Variants in OVOL2 observed in about 807,000 individuals in gnomAD.
OVOL2 encodes ovo like zinc finger 2.
OVOL2 carries 13 observed loss-of-function variants against 18.1 expected under a neutral mutation model. The ratio of observed to expected loss-of-function variants is 0.72; its 90% CI spans 0.47 to 1.14. OVOL2 has a LOEUF of 1.14. Ranked by LOEUF, OVOL2 falls within the 50% of genes most tolerant of loss-of-function variation. OVOL2 has a pLI of 0.00. For missense variants in OVOL2, 335 were observed against 383.0 expected, an observed-to-expected ratio of 0.87 and a Z score of 1.05; for synonymous variants, 166 against 162.7, an observed-to-expected ratio of 1.02 and a Z score of -0.16.
At chr20:18,041,987 C>T (rs940829263) in intron 2 of OVOL2, among the ~76,000 whole-genome samples, 5 of 150,652 alleles carry the variant, frequency 3.3e-5, no homozygotes, top group African/African-American at 4.9e-5. Flanking sequence ...CTCAGCTCAC[C>T]GTAACCTCCA....
intron 3 of OVOL2, among the ~76,000 whole-genome samples, chr20:18,035,379 C>G (rs569734825): frequency 6.6e-6 from 1 of 152,294 alleles, no homozygotes; most frequent in South Asian, 2.1e-4. Flanking sequence ...ATCGCTGGAA[C>G]CCAGGAGGCA....
In OVOL2 at chr20:18,051,209, C is replaced by A. The variant is rs115239223; in HGVS notation, c.321+5448G>T. The stretch of plus-strand genomic sequence containing the variant: ...TGGGCAACATAGTGAGGCCCTGTCT[C>A]AAAAGGAAAAATAAATAAAGAGAAA... On this transcript the variant is annotated intron_variant, in intron 2 of 3. Coordinates refer to ENST00000278780, the MANE Select transcript of OVOL2 (RefSeq NM_021220.4). Among the ~76,000 whole-genome samples the A allele has an allele frequency of 4.0e-3, 599 of 151,612 alleles. 8 individuals carry two copies. The highest frequency in any genetic ancestry group is 0.014 in the African/African-American group (559 of 41,306).
intron 3 of OVOL2, among the ~76,000 whole-genome samples, chr20:18,028,587 G>T (rs1308328033): frequency 6.6e-6 from 1 of 151,048 alleles, no homozygotes; most frequent in African/African-American, 2.4e-5. Flanking sequence ...GAGGTCGGGA[G>T]TTCGAGACCT....
chr20:18,034,254 G>T (rs527531058), intron 3 of OVOL2, among the ~76,000 whole-genome samples: 1 of 152,050 alleles, frequency 6.6e-6, no homozygotes, highest in East Asian at 1.9e-4. Flanking sequence ...CCCTGACCTC[G>T]CCCAGGGCAG....
chr20:18,033,091 G>A (rs1036355884), intron 3 of OVOL2, among the ~76,000 whole-genome samples: 8 of 152,144 alleles, frequency 5.3e-5, no homozygotes, highest in Non-Finnish European at 1.0e-4. Flanking sequence ...TCTCCATCTG[G>A]CCCACTCCAA....
intron 3 of OVOL2, among the ~76,000 whole-genome samples, chr20:18,033,583 G>A (rs994102134): frequency 1.3e-5 from 2 of 152,168 alleles, no homozygotes; most frequent in African/African-American, 4.8e-5. Context: ...TTTTACAAAT[G>A]AGCAAAATAA....
At chr20:18,047,853 C>CAAAAA (rs34668253) in intron 2 of OVOL2, among the ~76,000 whole-genome samples, 1,026 of 46,330 alleles carry the variant, frequency 0.022, 107 homozygotes, top group African/African-American at 0.078. Flanking sequence ...GACTCCGTCT[C>CAAAAA]AAAAAAAAAA....
chr20:18,043,002 CA>C (rs1219942741), intron 2 of OVOL2, among the ~76,000 whole-genome samples: 1 of 152,150 alleles, frequency 6.6e-6, no homozygotes, highest in Non-Finnish European at 1.5e-5. Context: ...TATGGCAACG[CA>C]AAATGGACTA....
At position 18,057,444 on chromosome 20, in the gene OVOL2, G is replaced by T; in HGVS notation, c.100+91C>A. The T allele has an allele frequency of 7.0e-7, 1 of 1,424,040 alleles. No homozygotes were observed. Among genetic ancestry groups the T allele is most frequent in the Non-Finnish European group, 9.5e-7 (1 of 1,052,444 alleles). The allele number at this position is 1,424,040 out of a possible 1,614,324, so 88.2% of individuals were successfully genotyped here. A position where few individuals can be genotyped will look rare whatever the true frequency, so the allele number is the denominator to read the frequency against. On this transcript the variant is annotated intron_variant, in intron 1 of 3. Coordinates refer to ENST00000278780, the MANE Select transcript of OVOL2 (RefSeq NM_021220.4). The surrounding 1 kb of genome is among the most constrained non-coding windows in gnomAD (Gnocchi z 6.3). ...CCGGAAGAGGGGGATGAGGTGGGGA[G>T]CCCGCCCCTGCCGATGAGCAGAGAA...
At chr20:18,040,655 G>C (rs1383808958) in intron 3 of OVOL2, among the ~76,000 whole-genome samples, 1 of 152,136 alleles carries the variant, frequency 6.6e-6, no homozygotes, top group Non-Finnish European at 1.5e-5. Flanking sequence ...GAGGCCAAGG[G>C]CACCCCCAGG....
intron 3 of OVOL2, among the ~76,000 whole-genome samples, chr20:18,035,678 C>G (rs1433146882): frequency 6.6e-6 from 1 of 152,196 alleles, no homozygotes; most frequent in Non-Finnish European, 1.5e-5. Flanking sequence ...TGTCAGGAAG[C>G]CCCCGGCTGC....
rs2036831388 is a variant in OVOL2 at position 18,056,779 on chromosome 20, C to T, written c.199G>A (p.Gly67Arg). The change falls in exon 2 of 4, where the codon GGA becomes AGA. Residue 67 changes from glycine (G) to arginine (R), a missense_variant. Coordinates refer to ENST00000278780, the MANE Select transcript of OVOL2 (RefSeq NM_021220.4). This position sits in a 1 kb window ranked among gnomAD's most constrained non-coding sequence, Gnocchi z 4.2. ...TGCGGGGACGAGCTGCTCTCTGCTCCTCCAGGCTCCCCCGCGCTGCTGCTG... is the reference window on the plus strand; with the variant it reads ...TGCGGGGACGAGCTGCTCTCTGCTCTTCCAGGCTCCCCCGCGCTGCTGCTG... Reference protein sequence around the residue: ...SGSSSAGEPGGAESSSSPHAP... With the variant: ...SGSSSAGEPGRAESSSSPHAP... 1 of 1,506,290 alleles carries T rather than the reference C, an allele frequency of 6.6e-7. No individual in the cohort carries two copies. The highest frequency in any genetic ancestry group is 2.1e-5 in the Admixed American group (1 of 46,860). 93.3% of individuals were successfully genotyped at this position (1,506,290 alleles called of 1,614,324 possible).
Position 18,041,598 on chromosome 20 carries a change from G to T in OVOL2, c.447C>A (p.Cys149Ter). ...CGTTGAAGCCCTTGCCGCAGAAGGT[G>T]CACAGGTGTCTTTTCACCTGGTTGT... The part of the protein sequence containing the change: ...KCHNQVKRHL[C>*]TFCGKGFNDT... Residue 149 changes from cysteine (C) to a stop codon, truncating the protein, a stop_gained, in exon 3 of 4, where the codon TGC becomes TGA. Coordinates refer to ENST00000278780, the MANE Select transcript of OVOL2 (RefSeq NM_021220.4). LOFTEE classifies it high-confidence loss of function. 1.2e-6 allele frequency: 2 copies of T among 1,614,164 alleles called. No individual in the cohort carries two copies. The highest frequency in any genetic ancestry group is 1.7e-6 in the Non-Finnish European group (2 of 1,180,026).
At chr20:18,041,442 C>T (rs532877900) in intron 3 of OVOL2, 92 bp downstream of exon 3, 2 of 1,429,380 alleles carry the variant, frequency 1.4e-6, no homozygotes, top group East Asian at 2.4e-5. Context: ...AACATTGTTC[C>T]ACGGTCTCAA....
In OVOL2 at chr20:18,056,636, G is replaced by A; in HGVS notation, c.321+21C>T. Reference sequence around the variant, plus strand: ...CCAGGGCGTGGTGCAGGTGGCGGCGGGGGCAGAGTCGACACAGTACCTTGA... The same window carrying A: ...CCAGGGCGTGGTGCAGGTGGCGGCGAGGGCAGAGTCGACACAGTACCTTGA... On this transcript the variant is annotated intron_variant, in intron 2 of 3. Coordinates refer to ENST00000278780, the MANE Select transcript of OVOL2 (RefSeq NM_021220.4). This position sits in a 1 kb window ranked among gnomAD's most constrained non-coding sequence, Gnocchi z 4.2. 1 of 1,381,812 alleles carries A rather than the reference G, an allele frequency of 7.2e-7. No homozygotes were observed. The allele number at this position is 1,381,812 out of a possible 1,614,324, so 85.6% of individuals were successfully genotyped here.
In OVOL2 at chr20:18,024,427, G is replaced by A. The variant is rs1174742315; in HGVS notation, c.*209C>T. On this transcript the variant is annotated 3_prime_UTR_variant, in exon 4 of 4. Transcript: ENST00000278780. ...AACTTTGGTGAATGTGAGCAACTGCGCCAGACAGGACACAGGTTACAGGGC... is the reference window on the plus strand; with the variant it reads ...AACTTTGGTGAATGTGAGCAACTGCACCAGACAGGACACAGGTTACAGGGC... 5.6e-6 allele frequency: 6 copies of A among 1,079,016 alleles called. No homozygotes were observed. The highest frequency in any genetic ancestry group is 2.5e-5 in the South Asian group (1 of 40,628). 66.8% of individuals were successfully genotyped at this position (1,079,016 alleles called of 1,614,324 possible). A position where few individuals can be genotyped will look rare whatever the true frequency, so the allele number is the denominator to read the frequency against.
chr20:18,032,309 G>T (rs1256086411), intron 3 of OVOL2, among the ~76,000 whole-genome samples: 3 of 138,558 alleles, frequency 2.2e-5, no homozygotes, highest in Non-Finnish European at 4.6e-5. Context: ...GAAGGAAGGA[G>T]AGAGAGAGAG....
At chr20:18,049,598 T>C (rs1475482737) in intron 2 of OVOL2, among the ~76,000 whole-genome samples, 1 of 148,650 alleles carries the variant, frequency 6.7e-6, no homozygotes, top group Non-Finnish European at 1.5e-5. Flanking sequence ...ACAACTCCCC[T>C]ACATGGCAGA....
chr20:18,050,114 A>G (rs2036759581), intron 2 of OVOL2, among the ~76,000 whole-genome samples: 3 of 152,132 alleles, frequency 2.0e-5, no homozygotes, highest in Admixed American at 2.0e-4. Context: ...AGTCGATCCT[A>G]TGGAAGGACT....
Sources: allele counts gnomAD v4.1 joint callset (sites outside exome capture counted in the v4.1 genomes callset), GRCh38; gene constraint gnomAD v4.1.1; non-coding constraint Gnocchi (gnomAD v3.1); transcripts MANE v1.5; gene names NCBI Gene and HGNC (gene_info 2026-07-23, HGNC 2026-07-21).